The following SLC49A4 variants were observed in gnomAD, a reference collection of about 807,000 sequenced individuals.
The protein encoded by SLC49A4 is disrupted in renal cancer protein 2.
SLC49A4 carries 36 observed loss-of-function variants against 50.6 expected under a neutral mutation model. That is an observed-to-expected ratio of 0.71 (90% confidence interval 0.55 to 0.94). The LOEUF is 0.94. SLC49A4 is among the 40% of genes least tolerant of loss of function. The pLI is 0.00. For missense variants in SLC49A4, 503 were observed against 605.7 expected (o/e 0.83, Z 1.78); for synonymous variants, 248 against 241.2 (o/e 1.03, Z -0.26).
chr3:122,872,476 T>C lies in SLC49A4; in HGVS notation c.1200T>C (p.Phe400=), dbSNP rs1937208620. The change falls in exon 8 of 9, where the codon TTT becomes TTC. Residue 400 remains phenylalanine, a synonymous_variant. Coordinates refer to ENST00000261038, the MANE Select transcript of SLC49A4 (RefSeq NM_032839.3). The stretch of plus-strand genomic sequence containing the variant: ...TCTTGAATAGCAGCGTGCCTATATT[T>C]TTTGAGCTTTTTGTGGAAACTGTCT... ...GVFLNSSVPI[F]FELFVETVYP... 1 of 1,614,024 alleles carries C rather than the reference T, an allele frequency of 6.2e-7. No individual in the cohort carries two copies. The highest frequency in any genetic ancestry group is 8.5e-7 in the Non-Finnish European group (1 of 1,179,896).
At chr3:122,861,414 C>A (rs1937056984) in intron 7 of SLC49A4, among the ~76,000 whole-genome samples, 1 of 152,124 alleles carries the variant, frequency 6.6e-6, no homozygotes, top group Non-Finnish European at 1.5e-5. Flanking sequence ...ATATTATTTG[C>A]AAGTAATATT....
intron 5 of SLC49A4, 42 bp from the exon 6 acceptor site, chr3:122,856,265 A>T (rs2107578138): frequency 1.9e-6 from 3 of 1,597,616 alleles, no homozygotes; most frequent in Non-Finnish European, 2.6e-6. Context: ...ATATTGCAGT[A>T]TGATTGTCTT....
Position 122,880,474 on chromosome 3 carries a change from G to A in SLC49A4, c.*1096G>A, listed in dbSNP as rs1446711772. 6.6e-6 allele frequency: 1 copy of A among 152,100 alleles called. No homozygotes were observed. The highest frequency in any genetic ancestry group is 1.5e-5 in the Non-Finnish European group (1 of 68,014). 9.4% of individuals were successfully genotyped at this position (152,100 alleles called of 1,614,324 possible). On this transcript the variant is annotated 3_prime_UTR_variant, in exon 9 of 9. Coordinates refer to ENST00000261038, the MANE Select transcript of SLC49A4 (RefSeq NM_032839.3). ...AGAAATAAGAGTTCCACATTGAGTG[G>A]CTGTCAGACACAGATTTCACTGTGA... is the stretch of plus-strand genomic sequence containing the variant.
intron 3 of SLC49A4, 47 bp from the exon 4 acceptor site, chr3:122,833,270 A>T: frequency 1.3e-6 from 2 of 1,584,632 alleles, no homozygotes; most frequent in Admixed American, 1.7e-5. Context: ...GAAGTCTTCA[A>T]CTTTTTGTGT....
chr3:122,795,922 C>A (rs1451438952), intron 1 of SLC49A4, among the ~76,000 whole-genome samples: 1 of 152,088 alleles, frequency 6.6e-6, no homozygotes, highest in African/African-American at 2.4e-5. Flanking sequence ...GATGAAAGGT[C>A]GGAAAATAGA....
chr3:122,851,486 T>C (rs1022387658), intron 5 of SLC49A4, among the ~76,000 whole-genome samples: 2 of 152,204 alleles, frequency 1.3e-5, no homozygotes, highest in Non-Finnish European at 2.9e-5. Context: ...AGATCCATTT[T>C]CTTCTGGCTT....
At chr3:122,797,358 G>T (rs888399318) in intron 1 of SLC49A4, among the ~76,000 whole-genome samples, 2 of 152,224 alleles carry the variant, frequency 1.3e-5, no homozygotes, top group African/African-American at 4.8e-5. Context: ...AAGGGAACTT[G>T]TGTGTATCAC....
chr3:122,824,730 C>CAT (rs1936502525), intron 2 of SLC49A4, among the ~76,000 whole-genome samples: 1 of 82,914 alleles, frequency 1.2e-5, no homozygotes, highest in Non-Finnish European at 2.4e-5. Flanking sequence ...TTTTTTCCTT[C>CAT]TTTTTTTTTT....
At chr3:122,804,027 A>G (rs1406158085) in intron 1 of SLC49A4, among the ~76,000 whole-genome samples, 2 of 152,160 alleles carry the variant, frequency 1.3e-5, no homozygotes, top group Non-Finnish European at 2.9e-5. Context: ...ACATTGCTAT[A>G]AAGAAATACC....
rs771618109 is a variant in SLC49A4 at position 122,860,175 on chromosome 3, A to G, written c.1111A>G (p.Ser371Gly). 3 of 1,609,676 alleles carry G rather than the reference A, an allele frequency of 1.9e-6. No individual in the cohort carries two copies. Among genetic ancestry groups the G allele is most frequent in the Non-Finnish European group, 2.5e-6 (3 of 1,178,104 alleles). Residue 371 changes from serine to glycine, a missense_variant, in exon 7 of 9, where the codon AGC (serine) becomes GGC (glycine). Transcript: ENST00000261038. Reference protein sequence around the residue: ...STWFTLTCLNSITHLPLTTVT... With the variant: ...STWFTLTCLNGITHLPLTTVT... ...GTGGTTCACCCTGACCTGTTTGAAC[A>G]GCATCACACACCTACCTTTAACCAC...
At chr3:122,830,520 A>C (rs887026958) in intron 3 of SLC49A4, among the ~76,000 whole-genome samples, 9 of 152,246 alleles carry the variant, frequency 5.9e-5, no homozygotes, top group Middle Eastern at 3.2e-3. Flanking sequence ...AAACGCCATT[A>C]CATTTATGGT....
At chr3:122,875,886 A>G (rs1937261096) in intron 8 of SLC49A4, among the ~76,000 whole-genome samples, 1 of 152,196 alleles carries the variant, frequency 6.6e-6, no homozygotes, top group Non-Finnish European at 1.5e-5. Context: ...GAGCCATTGC[A>G]GTCATTGAGG....
chr3:122,826,875 G>T lies in SLC49A4; in HGVS notation c.513G>T (p.Thr171=), dbSNP rs764800886. 3.7e-6 allele frequency: 6 copies of T among 1,614,102 alleles called. No individual in the cohort carries two copies. The Middle Eastern group carries it at 4.9e-4, about 133-fold the overall frequency. Residue 171 remains threonine (T), a synonymous_variant, in exon 3 of 9, where the codon ACG becomes ACT. Coordinates refer to ENST00000261038, the MANE Select transcript of SLC49A4 (RefSeq NM_032839.3). The stretch of plus-strand genomic sequence containing the variant: ...TGAATGCAGCACCATTTCTCTCTAC[G>T]ACGTGGTTTTCTGCAGATGAAAGGG... ...TVMNAAPFLS[T]TWFSADERAT... is the part of the protein sequence containing the mutation.
At chr3:122,868,639 G>A (rs1334890794) in intron 7 of SLC49A4, among the ~76,000 whole-genome samples, 1 of 152,148 alleles carries the variant, frequency 6.6e-6, no homozygotes, top group Admixed American at 6.5e-5. Context: ...TATTAAATCA[G>A]TCCTGACACA....
intron 2 of SLC49A4, among the ~76,000 whole-genome samples, chr3:122,809,999 G>A (rs1476528131): frequency 6.6e-6 from 1 of 152,170 alleles, no homozygotes; most frequent in African/African-American, 2.4e-5. Flanking sequence ...CAGGTGTATA[G>A]CCATCACTTT....
chr3:122,826,131 C>A (rs1251876212), intron 2 of SLC49A4, among the ~76,000 whole-genome samples: 1 of 152,170 alleles, frequency 6.6e-6, no homozygotes, highest in Non-Finnish European at 1.5e-5. Context: ...AAATGGAACC[C>A]CACAAAGTTA....
intron 5 of SLC49A4, among the ~76,000 whole-genome samples, chr3:122,851,142 T>C (rs1031522322): frequency 6.6e-6 from 1 of 152,246 alleles, no homozygotes; most frequent in African/African-American, 2.4e-5. Context: ...TACTGTCATA[T>C]ATTTTAACTG....
intron 2 of SLC49A4, among the ~76,000 whole-genome samples, chr3:122,815,993 T>G (rs1418734125): frequency 5.9e-5 from 9 of 152,216 alleles, no homozygotes. Context: ...CATGGAAATG[T>G]AGCCATGCCA....
intron 5 of SLC49A4, among the ~76,000 whole-genome samples, chr3:122,850,373 A>T (rs1936909984): frequency 6.6e-6 from 1 of 152,210 alleles, no homozygotes; most frequent in East Asian, 1.9e-4. Context: ...ACTAAGAGTG[A>T]TGTGAAAATA....
Sources: allele counts gnomAD v4.1 joint callset (sites outside exome capture counted in the v4.1 genomes callset), GRCh38; gene constraint gnomAD v4.1.1; transcripts MANE v1.5; gene names NCBI Gene and HGNC (gene_info 2026-07-23, HGNC 2026-07-21).